HIVEP2: variants seen among roughly 807,000 people sequenced by gnomAD.
HIVEP2 encodes transcription factor HIVEP2.
A neutral mutation model predicts 180.7 loss-of-function variants in HIVEP2; 14 were observed. The ratio of observed to expected loss-of-function variants is 0.08; its 90% CI spans 0.05 to 0.12. The LOEUF (loss-of-function observed/expected upper bound fraction) is 0.12, where lower values mean the gene tolerates loss of function less well. HIVEP2 is among the 10% of genes least tolerant of loss of function. The pLI is 1.00. For synonymous variants in HIVEP2, 1,184 were observed against 1,136.4 expected (o/e 1.04, Z -0.84); for missense variants, 2,579 against 3,008.5 (o/e 0.86, Z 3.34).
intron 2 of HIVEP2, among the ~76,000 whole-genome samples, chr6:142,823,754 G>A (rs1777103791): frequency 6.6e-6 from 1 of 152,194 alleles, no homozygotes; most frequent in South Asian, 2.1e-4. Flanking sequence ...CCTGTATGAA[G>A]CATGATGCCA....
At chr6:142,874,679 C>A (rs1437082695) in intron 1 of HIVEP2, among the ~76,000 whole-genome samples, 1 of 151,980 alleles carries the variant, frequency 6.6e-6, no homozygotes, top group Non-Finnish European at 1.5e-5. Flanking sequence ...ACAAATGCAG[C>A]CAGCAAGGAC....
At chr6:142,930,152 C>CTACAGCCA (rs1272831100) in intron 1 of HIVEP2, among the ~76,000 whole-genome samples, 1 of 152,158 alleles carries the variant, frequency 6.6e-6, no homozygotes, top group Admixed American at 6.5e-5. Context: ...TGTTGTTCCT[C>CTACAGCCA]TACAGCCAGT....
At chr6:142,804,880 T>C (rs565113932) in intron 2 of HIVEP2, among the ~76,000 whole-genome samples, 1 of 152,242 alleles carries the variant, frequency 6.6e-6, no homozygotes, top group South Asian at 2.1e-4. Context: ...GGAAAAGTGC[T>C]AGATAATTAT....
intron 2 of HIVEP2, among the ~76,000 whole-genome samples, chr6:142,830,052 C>T (rs186391796): frequency 5.9e-5 from 9 of 152,198 alleles, no homozygotes; most frequent in African/African-American, 2.2e-4. Flanking sequence ...TCAAAAACTC[C>T]TCAGTGGATG....
chr6:142,783,102 T>C (rs1369028296), intron 3 of HIVEP2, among the ~76,000 whole-genome samples: 1 of 151,868 alleles, frequency 6.6e-6, no homozygotes, highest in African/African-American at 2.4e-5. Context: ...TCCCAGCACT[T>C]TGGGAGGCCG....
At chr6:142,818,505 C>T (rs555156258) in intron 2 of HIVEP2, among the ~76,000 whole-genome samples, 3 of 151,718 alleles carry the variant, frequency 2.0e-5, no homozygotes, top group African/African-American at 4.8e-5. Flanking sequence ...TATGAAGCTT[C>T]GTCTCCACAA....
intron 2 of HIVEP2, among the ~76,000 whole-genome samples, chr6:142,824,734 C>T (rs969013854): frequency 6.6e-6 from 1 of 152,180 alleles, no homozygotes. Flanking sequence ...AACAGTTACA[C>T]CCTTAATTGA....
chr6:142,899,013 T>C (rs1777066077), intron 1 of HIVEP2, among the ~76,000 whole-genome samples: 1 of 152,170 alleles, frequency 6.6e-6, no homozygotes, highest in Non-Finnish European at 1.5e-5. Context: ...CTGAGAGATA[T>C]TTGTAAAATG....
chr6:142,782,742 T>C lies in HIVEP2; in HGVS notation c.-433+779A>G, dbSNP rs533719343. On this transcript the variant is annotated intron_variant, in intron 3 of 9. Transcript: ENST00000367603. ...ATCTAATTTGATATTTAAAGCCTAATGAGAAACAAACATATTTTTTCACAT... is the reference window on the plus strand; with the variant it reads ...ATCTAATTTGATATTTAAAGCCTAACGAGAAACAAACATATTTTTTCACAT... 3.3e-5 allele frequency among the ~76,000 whole-genome samples: 5 copies of C among 152,348 alleles called. No individual in the cohort carries two copies. In the South Asian group the frequency reaches 1.0e-3, roughly 32 times the overall value.
intron 1 of HIVEP2, among the ~76,000 whole-genome samples, chr6:142,883,285 G>A (rs971263254): frequency 6.6e-6 from 1 of 152,048 alleles, no homozygotes; most frequent in Non-Finnish European, 1.5e-5. Flanking sequence ...CTGCCAAAAA[G>A]AGAACAATTA....
chr6:142,888,799 C>G (rs1352988698), intron 1 of HIVEP2, among the ~76,000 whole-genome samples: 2 of 152,172 alleles, frequency 1.3e-5, no homozygotes, highest in African/African-American at 4.8e-5. Context: ...CTCTCTAATT[C>G]CACTGTCGTG....
intron 2 of HIVEP2, among the ~76,000 whole-genome samples, chr6:142,817,849 T>C (rs1168976326): frequency 6.6e-6 from 1 of 151,696 alleles, no homozygotes; most frequent in South Asian, 2.1e-4. Context: ...CTACTAAAAA[T>C]ACAAAAATTA....
chr6:142,917,826 A>T lies in HIVEP2; in HGVS notation c.-641+27273T>A, dbSNP rs767639692. Among the ~76,000 whole-genome samples the T allele has an allele frequency of 9.2e-5, 14 of 152,138 alleles. 1 individual carries two copies. The highest frequency in any genetic ancestry group is 2.9e-5 in the Non-Finnish European group (2 of 68,036). ...AGTCTTGCTCTGTTGCCCAGGCTAC[A>T]GCGCAGTGGAGCAACCTTGGCTCAC... On this transcript the variant is annotated intron_variant, in intron 1 of 9. Transcript: ENST00000367603.
At chr6:142,807,360 A>G (rs557656936) in intron 2 of HIVEP2, among the ~76,000 whole-genome samples, 20 of 152,276 alleles carry the variant, frequency 1.3e-4, no homozygotes, top group African/African-American at 4.6e-4. Context: ...CAGTTCATCC[A>G]GGTCAAGATG....
rs528540923 is a variant in HIVEP2, at chr6:142,769,753, C to T, written c.4986G>A (p.Gln1662=). 6 of 1,614,198 alleles carry T rather than the reference C, an allele frequency of 3.7e-6. No individual in the cohort carries two copies. The East Asian group carries it at 1.3e-4, about 36-fold the overall frequency. The change falls in exon 5 of 10, where the codon CAG becomes CAA. Residue 1662 remains glutamine, a synonymous_variant. Coordinates refer to ENST00000367603, the MANE Select transcript of HIVEP2 (RefSeq NM_006734.4). ...CATAAACCGAGGATTTGAAGGTGGC[C>T]TGTTGCACATAATTGGGTTTTGTAT... ...LNYTKPNYVQ[Q]ATFKSSVYAS...
chr6:142,820,369 T>A (rs1248814523), intron 2 of HIVEP2, among the ~76,000 whole-genome samples: 3 of 151,436 alleles, frequency 2.0e-5, no homozygotes, highest in Non-Finnish European at 4.4e-5. Flanking sequence ...AAAAATATAA[T>A]TGGGATTTTT....
intron 1 of HIVEP2, among the ~76,000 whole-genome samples, chr6:142,839,946 T>C (rs1775321480): frequency 6.6e-6 from 1 of 152,162 alleles, no homozygotes; most frequent in African/African-American, 2.4e-5. Context: ...AGAGCCACTG[T>C]GCCTCTCATA....
At chr6:142,941,677 T>C (rs1031812863) in intron 1 of HIVEP2, among the ~76,000 whole-genome samples, 5 of 152,226 alleles carry the variant, frequency 3.3e-5, no homozygotes, top group Admixed American at 2.6e-4. Context: ...AAGTTCCTTA[T>C]GAAACCTTAA....
At chr6:142,797,291 T>A (rs1218994490) in intron 2 of HIVEP2, among the ~76,000 whole-genome samples, 1 of 152,158 alleles carries the variant, frequency 6.6e-6, no homozygotes, top group Non-Finnish European at 1.5e-5. Flanking sequence ...ACTTCATCTA[T>A]CCAAGTCACT....
Sources: allele counts gnomAD v4.1 joint callset (sites outside exome capture counted in the v4.1 genomes callset), GRCh38; gene constraint gnomAD v4.1.1; transcripts MANE v1.5; gene names NCBI Gene and HGNC (gene_info 2026-07-23, HGNC 2026-07-21).